ZNF148: variants seen among roughly 807,000 people sequenced by gnomAD.
The protein encoded by ZNF148 is zinc finger protein 148.
ZNF148 carries 7 observed loss-of-function variants against 67.7 expected under a neutral mutation model. That is an observed-to-expected ratio of 0.10 (90% confidence interval 0.06 to 0.19). The LOEUF is 0.19. Among genes scored for constraint, ZNF148 ranks in the 10% least tolerant of loss-of-function variants. ZNF148 has a pLI of 1.00. For missense variants in ZNF148, 583 were observed against 947.1 expected (o/e 0.62, Z 5.05); for synonymous variants, 333 against 330.7 (o/e 1.01, Z -0.08).
At chr3:125,239,780 A>G (rs907343580) in intron 7 of ZNF148, among the ~76,000 whole-genome samples, 2 of 152,240 alleles carry the variant, frequency 1.3e-5, no homozygotes, top group African/African-American at 4.8e-5. Context: ...CCAATAAGTG[A>G]ATGAAAATGT....
intron 7 of ZNF148, among the ~76,000 whole-genome samples, chr3:125,257,419 G>A (rs557475589): frequency 3.9e-5 from 6 of 152,102 alleles, no homozygotes; most frequent in Admixed American, 1.3e-4. Flanking sequence ...AGCTGGACGT[G>A]GTGGCGTGCA....
At chr3:125,259,730 G>C (rs1937250693) in intron 7 of ZNF148, among the ~76,000 whole-genome samples, 1 of 152,186 alleles carries the variant, frequency 6.6e-6, no homozygotes, top group Non-Finnish European at 1.5e-5. Flanking sequence ...GGGAGGCTGA[G>C]GAAGGCAGAC....
chr3:125,332,010 A>G (rs760107145), intron 1 of ZNF148, among the ~76,000 whole-genome samples: 1 of 152,226 alleles, frequency 6.6e-6, no homozygotes. Context: ...CAGTCCTAAT[A>G]CAAGTTTAGG....
intron 6 of ZNF148, among the ~76,000 whole-genome samples, chr3:125,278,165 G>A (rs930354000): frequency 6.6e-6 from 1 of 152,194 alleles, no homozygotes; most frequent in African/African-American, 2.4e-5. Context: ...CTGGAAGAAG[G>A]TGCGCCCATC....
chr3:125,321,315 A>C (rs191263842), intron 3 of ZNF148, among the ~76,000 whole-genome samples: 1 of 152,170 alleles, frequency 6.6e-6, no homozygotes, highest in Non-Finnish European at 1.5e-5. Context: ...ACAAATATCT[A>C]TTTCAATAGC....
chr3:125,290,889 A>T (rs1938973578), intron 4 of ZNF148, among the ~76,000 whole-genome samples: 2 of 152,196 alleles, frequency 1.3e-5, no homozygotes, highest in Admixed American at 6.5e-5. Flanking sequence ...GGCTTTGGGG[A>T]TGAAACAACA....
At chr3:125,342,258 G>A (rs1176331008) in intron 1 of ZNF148, among the ~76,000 whole-genome samples, 10 of 151,730 alleles carry the variant, frequency 6.6e-5, no homozygotes, top group Non-Finnish European at 4.4e-5. Flanking sequence ...CTAACTTGCA[G>A]ATCCAAATAG....
intron 7 of ZNF148, among the ~76,000 whole-genome samples, chr3:125,248,858 A>G (rs1936712470): frequency 6.6e-6 from 1 of 152,194 alleles, no homozygotes; most frequent in African/African-American, 2.4e-5. Flanking sequence ...AAAAGAATAA[A>G]CAAGCACTAC....
At chr3:125,356,706 T>A (rs1022574192) in intron 1 of ZNF148, among the ~76,000 whole-genome samples, 2 of 152,216 alleles carry the variant, frequency 1.3e-5, no homozygotes, top group Non-Finnish European at 2.9e-5. Flanking sequence ...AAAAGCTGTT[T>A]TAAATGCAAG....
In ZNF148 at chr3:125,346,100, T is replaced by C. The variant is rs184789659; in HGVS notation, c.-233-14862A>G. ...TCCTCAACAAAATACTAACCAAATC[T>C]ACCAACACATAGAAAGGATTATGCA... On this transcript the variant is annotated intron_variant, in intron 1 of 8. Transcript: ENST00000360647. Among the ~76,000 whole-genome samples, 5 of 152,290 alleles carry C rather than the reference T, an allele frequency of 3.3e-5. No individual in the cohort carries two copies. In the East Asian group the frequency reaches 9.6e-4, roughly 29 times the overall value.
At position 125,288,225 on chromosome 3, in the gene ZNF148, T is replaced by G; in HGVS notation, c.337A>C (p.Ser113Arg). 3 of 1,601,502 alleles carry G rather than the reference T, an allele frequency of 1.9e-6. No homozygotes were observed. The highest frequency in any genetic ancestry group is 2.5e-6 in the Non-Finnish European group (3 of 1,176,804). The change falls in exon 5 of 9, where the codon AGC becomes CGC. Residue 113 changes from serine (S) to arginine (R), a missense_variant. Around this residue, in one of 5 missense-constraint regions of ZNF148, gnomAD observed 150 missense variants for 202.5 expected, o/e 0.74. Coordinates refer to ENST00000360647, the MANE Select transcript of ZNF148 (RefSeq NM_021964.3). Reference sequence around the variant, plus strand: ...GTAAAAGTAATTTCCTGCTTTACGCTTATCTGTTTAAAAAAAGAAAAGCCA... The same window carrying G: ...GTAAAAGTAATTTCCTGCTTTACGCGTATCTGTTTAAAAAAAGAAAAGCCA... ...GLQYALNVPI[S>R]VKQEITFTDV...
chr3:125,368,708 G>T (rs1285792233), intron 1 of ZNF148, among the ~76,000 whole-genome samples: 1 of 152,086 alleles, frequency 6.6e-6, no homozygotes, highest in Non-Finnish European at 1.5e-5. Context: ...ACTTTGGGAG[G>T]CCAAGGTGAG....
chr3:125,273,479 C>CT (rs979722802), intron 7 of ZNF148, among the ~76,000 whole-genome samples: 4 of 146,110 alleles, frequency 2.7e-5, no homozygotes, highest in African/African-American at 5.1e-5. Flanking sequence ...TCAAAAATCT[C>CT]TTTTTTTTGG....
At chr3:125,285,735 T>C (rs370539275) in intron 5 of ZNF148, among the ~76,000 whole-genome samples, 20 of 152,236 alleles carry the variant, frequency 1.3e-4, no homozygotes, top group African/African-American at 4.8e-4. Context: ...ATATTGTTTC[T>C]AGTCACTTCA....
intron 7 of ZNF148, among the ~76,000 whole-genome samples, chr3:125,273,160 A>G (rs2107597422): frequency 6.6e-6 from 1 of 152,364 alleles, no homozygotes; most frequent in East Asian, 1.9e-4. Context: ...TAAGTTAGTC[A>G]AGAGTAAATC....
intron 1 of ZNF148, chr3:125,344,453 G>T (rs1398012443): frequency 7.3e-6 from 7 of 959,066 alleles, no homozygotes; most frequent in South Asian, 2.6e-5. Context: ...GGTCTTCAAA[G>T]AAGTCAAATA....
At chr3:125,293,029 A>G (rs1371545657) in intron 4 of ZNF148, among the ~76,000 whole-genome samples, 1 of 152,144 alleles carries the variant, frequency 6.6e-6, no homozygotes, top group African/African-American at 2.4e-5. Flanking sequence ...GAAAACAGTT[A>G]TTTTTTATTT....
chr3:125,278,806 T>C (rs1938211713), intron 6 of ZNF148, among the ~76,000 whole-genome samples: 1 of 152,170 alleles, frequency 6.6e-6, no homozygotes, highest in South Asian at 2.1e-4. Context: ...GCCTGGACAT[T>C]TTGCACACAC....
At chr3:125,322,180 C>T (rs894304552) in intron 3 of ZNF148, among the ~76,000 whole-genome samples, 5 of 151,898 alleles carry the variant, frequency 3.3e-5, no homozygotes, top group South Asian at 2.1e-4. Flanking sequence ...CAGGGGCCCA[C>T]CACCTCGCAC....
Sources: gnomAD v4.1 joint callset for allele counts (sites outside exome capture counted in the v4.1 genomes callset) on GRCh38, gnomAD v4.1.1 for gene constraint, gnomAD v4.1.1 regional missense constraint, MANE v1.5 for transcripts, NCBI Gene and HGNC (gene_info 2026-07-23, HGNC 2026-07-21) for gene names.